Variants in TUBGCP4 observed in about 807,000 individuals in gnomAD.
The protein encoded by TUBGCP4 is tubulin gamma complex component 4.
TUBGCP4 carries 54 observed loss-of-function variants against 91.6 expected under a neutral mutation model. That is an observed-to-expected ratio of 0.59 (90% CI 0.47 to 0.74). The LOEUF (loss-of-function observed/expected upper bound fraction) is 0.74, where lower values mean the gene tolerates loss of function less well. TUBGCP4 is among the 30% of genes least tolerant of loss of function. The pLI, the probability that TUBGCP4 is intolerant of heterozygous loss-of-function variation, is 0.00. For synonymous variants in TUBGCP4, 297 were observed against 302.8 expected, an observed-to-expected ratio of 0.98 and a Z score of 0.20; for missense variants, 593 against 800.9, an observed-to-expected ratio of 0.74 and a Z score of 3.13.
At position 43,398,119 on chromosome 15, in the gene TUBGCP4, G is replaced by T. The variant is rs1182418636; in HGVS notation, c.1358G>T (p.Gly453Val). The T allele has an allele frequency of 6.2e-7, 1 of 1,614,096 alleles. No homozygotes were observed. Among genetic ancestry groups the T allele is most frequent in the Non-Finnish European group, 8.5e-7 (1 of 1,179,980 alleles). Residue 453 changes from glycine to valine, a missense_variant, in exon 13 of 18, where the codon GGT becomes GTT. Coordinates refer to ENST00000564079, the MANE Select transcript of TUBGCP4 (RefSeq NM_014444.5). ...EAPASGWAALGLSYKVQWPLH... is the reference protein window; with the variant it reads ...EAPASGWAALVLSYKVQWPLH... Reference sequence around the variant, plus strand: ...CCTGCATCTGGCTGGGCAGCCCTAGGTCTTTCCTACAAAGTACAGTGGCCA... The same window carrying T: ...CCTGCATCTGGCTGGGCAGCCCTAGTTCTTTCCTACAAAGTACAGTGGCCA...
chr15:43,409,289 C>G lies in TUBGCP4; in HGVS notation c.*4075C>G, dbSNP rs2045033368. ...TAATTTCCATAGATGTTCTCTCTGC[C>G]TCACCTGCAGCATACTGAGGACCTA... On this transcript the variant is annotated 3_prime_UTR_variant, in exon 18 of 18. Transcript: ENST00000564079. The G allele has an allele frequency of 1.6e-6, 1 of 611,142 alleles. No individual in the cohort carries two copies. The highest frequency in any genetic ancestry group is 2.8e-5 in the Admixed American group (1 of 35,186). The allele number at this position is 611,142 out of a possible 1,614,324, so 37.9% of individuals were successfully genotyped here. A position where few individuals can be genotyped will look rare whatever the true frequency, so the allele number is the denominator to read the frequency against.
chr15:43,402,043 T>A (rs1002509945), intron 15 of TUBGCP4, 193 bp downstream of exon 15: 8 of 565,422 alleles, frequency 1.4e-5, no homozygotes, highest in Admixed American at 3.7e-5. Context: ...GAGGCCGAGG[T>A]GGGCGGATCA....
Position 43,377,030 on chromosome 15 carries a change from A to G in TUBGCP4, c.347A>G (p.His116Arg), listed in dbSNP as rs555525325. The G allele has an allele frequency of 8.1e-6, 13 of 1,613,972 alleles. No homozygotes were observed. In the African/African-American group the frequency reaches 1.6e-4, roughly 20 times the overall value. The part of the protein sequence containing the change: ...DLEQEFLGDP[H>R]LSISHVNYFL... ...TTATTGCAGTTCCTGGGTGATCCCC[A>G]TCTCTCCATATCACATGTCAACTAC... Residue 116 changes from histidine (H) to arginine (R), a missense_variant, in exon 4 of 18, where the codon CAT (histidine) becomes CGT (arginine). Transcript: ENST00000564079.
chr15:43,377,668 T>C, intron 4 of TUBGCP4, 179 bp from the exon 5 acceptor site: 1 of 542,792 alleles, frequency 1.8e-6, no homozygotes, highest in Middle Eastern at 4.7e-4. Flanking sequence ...TCTGCCATCC[T>C]CTTCCTATCT....
chr15:43,386,400 T>TTTTTTTTTTTTC (rs1330936603), intron 9 of TUBGCP4, 70 bp downstream of exon 9: 8 of 148,040 alleles, frequency 5.4e-5, no homozygotes, highest in African/African-American at 2.2e-4. Flanking sequence ...TTTTTTTTTT[T>TTTTTTTTTTTTC]CTTAGGCAAA....
rs907617817 is a variant in TUBGCP4, at chr15:43,406,233, T to C, written c.*1019T>C. 4 of 184,070 alleles carry C rather than the reference T, an allele frequency of 2.2e-5. No individual in the cohort carries two copies. Among genetic ancestry groups the C allele is most frequent in the African/African-American group, 7.1e-5 (3 of 42,062 alleles). 11.4% of individuals were successfully genotyped at this position (184,070 alleles called of 1,614,324 possible). A position where few individuals can be genotyped will look rare whatever the true frequency, so the allele number is the denominator to read the frequency against. ...CTGGTAATCAATATTCATATCAGTG[T>C]AAGTAAAAAGAAATATTCACTGAAC... On this transcript the variant is annotated 3_prime_UTR_variant, in exon 18 of 18. Transcript: ENST00000564079.
intron 1 of TUBGCP4, among the ~76,000 whole-genome samples, chr15:43,375,853 T>G (rs1423442875): frequency 6.6e-6 from 1 of 152,244 alleles, no homozygotes; most frequent in Non-Finnish European, 1.5e-5. Context: ...TTATTTTTAA[T>G]GTACACCATT....
chr15:43,407,998 G>A lies in TUBGCP4; in HGVS notation c.*2784G>A. 1 of 1,614,030 alleles carries A rather than the reference G, an allele frequency of 6.2e-7. No homozygotes were observed. Among genetic ancestry groups the A allele is most frequent in the Non-Finnish European group, 8.5e-7 (1 of 1,179,988 alleles). On this transcript the variant is annotated 3_prime_UTR_variant, in exon 18 of 18. Transcript: ENST00000564079. ...TCACAGAGGCTGCACCACCAGTCATGAGGATCTCAGACCAGAGCTCCAGGA... is the reference window on the plus strand; with the variant it reads ...TCACAGAGGCTGCACCACCAGTCATAAGGATCTCAGACCAGAGCTCCAGGA...
Position 43,397,203 on chromosome 15 carries a change from C to T in TUBGCP4, c.1172-11C>T, listed in dbSNP as rs1329975549. 3 of 1,611,222 alleles carry T rather than the reference C, an allele frequency of 1.9e-6. No homozygotes were observed. The highest frequency in any genetic ancestry group is 1.3e-5 in the African/African-American group (1 of 74,844). On this transcript the variant is annotated splice_polypyrimidine_tract_variant and intron_variant, in intron 11 of 17. Transcript: ENST00000564079. Reference sequence around the variant, plus strand: ...AAGCGTCCCTGTCAGCCTGCGTGTTCTTTCTTGCAGATGTGAATGTGGCCT... The same window carrying T: ...AAGCGTCCCTGTCAGCCTGCGTGTTTTTTCTTGCAGATGTGAATGTGGCCT...
chr15:43,403,610 T>A (rs1055749713), intron 15 of TUBGCP4, 73 bp from the exon 16 acceptor site: 4 of 1,108,708 alleles, frequency 3.6e-6, no homozygotes, highest in Admixed American at 3.7e-5. Flanking sequence ...TTAATCAGAC[T>A]GTTCTCCTAA....
In TUBGCP4 at chr15:43,400,133, A is replaced by G. The variant is rs757233246; in HGVS notation, c.1508A>G (p.His503Arg). The G allele has an allele frequency of 1.2e-6, 2 of 1,614,250 alleles. No individual in the cohort carries two copies. Among genetic ancestry groups the G allele is most frequent in the Non-Finnish European group, 1.7e-6 (2 of 1,180,048 alleles). Residue 503 changes from histidine (H) to arginine (R), a missense_variant, in exon 14 of 18, where the codon CAC (histidine) becomes CGC (arginine). Transcript: ENST00000564079. ...HCWALQMQRK[H>R]LKSNQTDAIK... ...TGGGCCCTACAAATGCAGCGCAAGC[A>G]CCTCAAGTCGAACCAGACTGATGCA...
intron 1 of TUBGCP4, among the ~76,000 whole-genome samples, chr15:43,372,437 A>G (rs779823957): frequency 4.6e-5 from 7 of 152,148 alleles, no homozygotes; most frequent in Non-Finnish European, 5.9e-5. Flanking sequence ...ACAGGTGAAG[A>G]TTTGTGTGGT....
intron 4 of TUBGCP4, 171 bp from the exon 5 acceptor site, chr15:43,377,676 T>C (rs2044229211): frequency 1.8e-6 from 1 of 561,340 alleles, no homozygotes; most frequent in South Asian, 2.4e-5. Context: ...CCTCTTCCTA[T>C]CTGCAGCGAA....
At chr15:43,400,351 T>A (rs1285470844) in intron 14 of TUBGCP4, 130 bp downstream of exon 14, 1 of 603,748 alleles carries the variant, frequency 1.7e-6, no homozygotes, top group Admixed American at 3.0e-5. Context: ...TCAGGAGTTA[T>A]ATCACCAAGC....
chr15:43,400,450 T>A (rs995976899), intron 14 of TUBGCP4, among the ~76,000 whole-genome samples: 7 of 152,210 alleles, frequency 4.6e-5, no homozygotes, highest in African/African-American at 1.7e-4. Flanking sequence ...CAGGCTGGAA[T>A]GCAGTGGTAC....
chr15:43,398,280 C>A, intron 13 of TUBGCP4, 101 bp downstream of exon 13: 1 of 1,342,132 alleles, frequency 7.5e-7, no homozygotes, highest in Non-Finnish European at 1.0e-6. Context: ...GGTGTGGTGG[C>A]ACACACCTGT....
intron 1 of TUBGCP4, among the ~76,000 whole-genome samples, chr15:43,373,276 G>A (rs930994682): frequency 3.3e-5 from 5 of 152,116 alleles, no homozygotes; most frequent in African/African-American, 1.2e-4. Context: ...CTATAACTGT[G>A]TTATATAGAA....
At chr15:43,390,889 G>A (rs1566896572) in intron 9 of TUBGCP4, among the ~76,000 whole-genome samples, 1 of 152,018 alleles carries the variant, frequency 6.6e-6, no homozygotes, top group Non-Finnish European at 1.5e-5. Context: ...GCAATGATGA[G>A]TCACTGCAGC....
Position 43,400,185 on chromosome 15 carries a change from G to A in TUBGCP4, c.1560G>A (p.Met520Ile). 1 of 1,614,126 alleles carries A rather than the reference G, an allele frequency of 6.2e-7. No homozygotes were observed. The highest frequency in any genetic ancestry group is 8.5e-7 in the Non-Finnish European group (1 of 1,180,024). The change falls in exon 14 of 18, where the codon ATG becomes ATA. Residue 520 changes from methionine (M) to isoleucine (I), a missense_variant. Physicochemically the swap from Met to Ile is conservative, Grantham distance 10. Coordinates refer to ENST00000564079, the MANE Select transcript of TUBGCP4 (RefSeq NM_014444.5). The stretch of plus-strand genomic sequence containing the variant: ...TCAAGTGGCGCCTAAGAAATCACAT[G>A]GCATTTTTGGTGGATAATCTTCAGT... ...DAIKWRLRNH[M>I]AFLVDNLQYY...
Sources: gnomAD v4.1 joint callset for allele counts (sites outside exome capture counted in the v4.1 genomes callset) on GRCh38, gnomAD v4.1.1 for gene constraint, MANE v1.5 for transcripts, NCBI Gene and HGNC (gene_info 2026-07-23, HGNC 2026-07-21) for gene names.